Variants in ADGRA2 observed in about 807,000 individuals in gnomAD.
ADGRA2 encodes the protein G-protein coupled receptor 124.
A neutral mutation model predicts 98.7 loss-of-function variants in ADGRA2; 61 were observed. The ratio of observed to expected loss-of-function variants is 0.62; its 90% CI spans 0.50 to 0.76. ADGRA2 has a LOEUF of 0.76. Among genes scored for constraint, ADGRA2 ranks in the 30% least tolerant of loss-of-function variants. The pLI, the probability that ADGRA2 is intolerant of heterozygous loss-of-function variation, is 0.00. For missense variants in ADGRA2, 1,712 were observed against 1,860.0 expected, an observed-to-expected ratio of 0.92 and a Z score of 1.46; for synonymous variants, 858 against 831.5, an observed-to-expected ratio of 1.03 and a Z score of -0.55.
intron 1 of ADGRA2, among the ~76,000 whole-genome samples, chr8:37,813,624 G>A (rs1804902952): frequency 6.6e-6 from 1 of 152,160 alleles, no homozygotes; most frequent in Admixed American, 6.5e-5. Context: ...GGACTGGACG[G>A]GTGGGAGGGA....
chr8:37,834,271 CA>C lies in ADGRA2; in HGVS notation c.1608+144del, dbSNP rs1290547413. 1.2e-6 allele frequency: 1 copy of C among 812,950 alleles called. No homozygotes were observed. Among genetic ancestry groups the C allele is most frequent in the Non-Finnish European group, 1.9e-6 (1 of 528,476 alleles). The allele number at this position is 812,950 out of a possible 1,614,324, so 50.4% of individuals were successfully genotyped here. On this transcript the variant is annotated intron_variant, in intron 11 of 18. Transcript: ENST00000412232. The surrounding 1 kb of genome is among the most constrained non-coding windows in gnomAD (Gnocchi z 4.2). ...GCCATGGGGTTCACTTCCAAGTTGT[CA>C]GGGGCAGTGCTAAGGAGAGGTGGCC...
At chr8:37,838,523 G>C (rs1805687238) in intron 14 of ADGRA2, among the ~76,000 whole-genome samples, 1 of 152,100 alleles carries the variant, frequency 6.6e-6, no homozygotes, top group Non-Finnish European at 1.5e-5. Context: ...AAAGTGCTGG[G>C]ATTATAGGCA....
rs1805843102 is a variant in ADGRA2, at chr8:37,842,608, G to C, written c.*253G>C. On this transcript the variant is annotated 3_prime_UTR_variant, in exon 19 of 19. Coordinates refer to ENST00000412232, the MANE Select transcript of ADGRA2 (RefSeq NM_032777.10). ...TGACTGTCGGTGCCCTCCCAGGAAC[G>C]GGGAAGGCCTCCGTCTGTGTGAAAG... 6.0e-6 allele frequency: 3 copies of C among 499,910 alleles called. No homozygotes were observed. The highest frequency in any genetic ancestry group is 5.6e-5 in the South Asian group (1 of 17,772). The allele number at this position is 499,910 out of a possible 1,614,324, so 31.0% of individuals were successfully genotyped here.
rs140753371 is a variant in ADGRA2, at chr8:37,822,994, C to T, written c.339-5894C>T. The stretch of plus-strand genomic sequence containing the variant: ...ACAACCTCCTCCTCCCGAGTTCAAG[C>T]GATTCTCCTGCCTCAGCCTCCTGAG... On this transcript the variant is annotated intron_variant, in intron 2 of 18. Transcript: ENST00000412232. 5.0e-3 allele frequency among the ~76,000 whole-genome samples: 754 copies of T among 151,240 alleles called. 11 individuals are homozygous for T. The highest frequency in any genetic ancestry group is 0.017 in the African/African-American group (709 of 41,128).
intron 1 of ADGRA2, among the ~76,000 whole-genome samples, chr8:37,799,145 G>A (rs998048075): frequency 1.3e-5 from 2 of 152,210 alleles, no homozygotes; most frequent in Non-Finnish European, 2.9e-5. Context: ...GAGAGGCAGA[G>A]GCGGGTGGAT....
At position 37,797,777 on chromosome 8, in the gene ADGRA2, C is replaced by T. The variant is rs187812643; in HGVS notation, c.266+243C>T. Reference sequence around the variant, plus strand: ...GCACCCCAGAGAAAGGCACCGCAGGCGCCCACTCACCTGCACAGGTGAAGT... The same window carrying T: ...GCACCCCAGAGAAAGGCACCGCAGGTGCCCACTCACCTGCACAGGTGAAGT... On this transcript the variant is annotated intron_variant, in intron 1 of 18. Transcript: ENST00000412232. This position sits in a 1 kb window ranked among gnomAD's most constrained non-coding sequence, Gnocchi z 5.3. 5.9e-5 allele frequency among the ~76,000 whole-genome samples: 9 copies of T among 152,320 alleles called. No homozygotes were observed. In the East Asian group the frequency reaches 1.2e-3, roughly 20 times the overall value.
intron 2 of ADGRA2, among the ~76,000 whole-genome samples, chr8:37,826,591 G>A (rs1283240320): frequency 6.6e-6 from 1 of 152,176 alleles, no homozygotes; most frequent in Non-Finnish European, 1.5e-5. Flanking sequence ...CCTTCCTATG[G>A]GAAGGAGCTG....
chr8:37,811,127 A>C lies in ADGRA2; in HGVS notation c.267-3769A>C, dbSNP rs1299625145. 3.1e-3 allele frequency among the ~76,000 whole-genome samples: 451 copies of C among 147,652 alleles called. 4 individuals are homozygous for C. Among genetic ancestry groups the C allele is most frequent in the African/African-American group, 0.01 (421 of 40,218 alleles). ...AGACTCTGTCTCAAAAACAAAAAAA[A>C]AAAAAAAAAAAAAGAACTTTTATAC... On this transcript the variant is annotated intron_variant, in intron 1 of 18. Transcript: ENST00000412232.
chr8:37,828,815 T>C (rs1805363638), intron 2 of ADGRA2, 73 bp from the exon 3 acceptor site: 1 of 1,205,726 alleles, frequency 8.3e-7, no homozygotes, highest in East Asian at 2.4e-5. Context: ...GTGGTGACAG[T>C]GAGGACCCCT....
intron 9 of ADGRA2, 38 bp downstream of exon 9, chr8:37,833,246 G>A (rs377744558): frequency 1.9e-5 from 28 of 1,497,828 alleles, no homozygotes; most frequent in African/African-American, 1.4e-4. Flanking sequence ...GCTCTGCTTC[G>A]GGGGCACAGG....
At position 37,838,250 on chromosome 8, in the gene ADGRA2, ATT is replaced by A. The variant is rs11335728; in HGVS notation, c.2259+331_2259+332del. 8.3e-3 allele frequency among the ~76,000 whole-genome samples: 1,071 copies of A among 129,706 alleles called. 10 individuals are homozygous for A. Among genetic ancestry groups the A allele is most frequent in the African/African-American group, 0.021 (698 of 33,918 alleles). The allele number at this position is 129,706 out of a possible 152,430, so 85.1% of individuals were successfully genotyped here. A position where few individuals can be genotyped will look rare whatever the true frequency, so the allele number is the denominator to read the frequency against. On this transcript the variant is annotated intron_variant, in intron 14 of 18. Transcript: ENST00000412232. ...CACATCCTGCACTTTCTGAGACCAG[ATT>A]TTTTTTTTTTTTTTTTTTTAGACGG... is the stretch of plus-strand genomic sequence containing the variant.
chr8:37,841,595 CT>C lies in ADGRA2; in HGVS notation c.3258del (p.Ala1087ProfsTer216). On this transcript the variant is annotated frameshift_variant, in exon 19 of 19. Transcript: ENST00000412232. LOFTEE classifies it low-confidence loss of function (END_TRUNC). This position sits in a 1 kb window ranked among gnomAD's most constrained non-coding sequence, Gnocchi z 5.0. ...GCCTCGTGGCGCGCCTGCTGCCCCC[CT>C]GCCTCTCCCGCGGCCCCCCATGCCC... The part of the protein sequence containing the change: ...VRASWRACCP[P>X]ASPAAPHAPP... 1.9e-6 allele frequency: 3 copies of C among 1,579,074 alleles called. No individual in the cohort carries two copies. The highest frequency in any genetic ancestry group is 2.3e-5 in the East Asian group (1 of 43,650).
chr8:37,840,375 C>G, intron 17 of ADGRA2, 109 bp downstream of exon 17: 2 of 1,222,394 alleles, frequency 1.6e-6, no homozygotes, highest in Non-Finnish European at 2.4e-6. Context: ...GGAGATCACT[C>G]TCCAAAGACG....
At chr8:37,819,176 G>T (rs994600705) in intron 2 of ADGRA2, among the ~76,000 whole-genome samples, 1 of 152,100 alleles carries the variant, frequency 6.6e-6, no homozygotes, top group African/African-American at 2.4e-5. Context: ...ATGTGTGTGG[G>T]ACACCCACAG....
At chr8:37,800,419 G>A (rs559879069) in intron 1 of ADGRA2, among the ~76,000 whole-genome samples, 50 of 152,270 alleles carry the variant, frequency 3.3e-4, no homozygotes, top group African/African-American at 8.7e-4. Context: ...GTCTGGGTGC[G>A]GTGACAACTC....
In ADGRA2 at chr8:37,833,035, A is replaced by T. The variant is rs1301480872; in HGVS notation, c.1123A>T (p.Thr375Ser). 1 of 1,613,078 alleles carries T rather than the reference A, an allele frequency of 6.2e-7. No homozygotes were observed. Among genetic ancestry groups the T allele is most frequent in the South Asian group, 1.1e-5 (1 of 91,030 alleles). ...FRWPRTLAGI[T>S]AYQSCLQYPF... is the part of the protein sequence containing the mutation. ...GTGGCCCCGAACTCTGGCTGGCATC[A>T]CAGCCTACCAGTCCTGCCTGCAGTA... Residue 375 changes from threonine to serine, a missense_variant, in exon 9 of 19, where the codon ACA (threonine) becomes TCA (serine). Coordinates refer to ENST00000412232, the MANE Select transcript of ADGRA2 (RefSeq NM_032777.10).
rs950628366 is a variant in ADGRA2 at position 37,844,841 on chromosome 8, G to A, written c.*2486G>A. The A allele has an allele frequency of 6.2e-7, 1 of 1,614,060 alleles. No homozygotes were observed. On this transcript the variant is annotated 3_prime_UTR_variant, in exon 19 of 19. Transcript: ENST00000412232. ...AGGCAGAGCGGACCAGTGACTGGCG[G>A]TGCTGGAGAAGGTCACCGATGTGCT...
In ADGRA2 at chr8:37,834,724, T is replaced by G. The variant is rs929963858; in HGVS notation, c.1609-450T>G. Among the ~76,000 whole-genome samples, 3 of 152,148 alleles carry G rather than the reference T, an allele frequency of 2.0e-5. No individual in the cohort carries two copies. The highest frequency in any genetic ancestry group is 6.5e-5 in the Admixed American group (1 of 15,288). ...GCCTGGGCAACAGAGAGACCTGGTCTCCACAAAAAATACAAAAATTACCCA... is the reference window on the plus strand; with the variant it reads ...GCCTGGGCAACAGAGAGACCTGGTCGCCACAAAAAATACAAAAATTACCCA... On this transcript the variant is annotated intron_variant, in intron 11 of 18. Coordinates refer to ENST00000412232, the MANE Select transcript of ADGRA2 (RefSeq NM_032777.10). The surrounding 1 kb of genome is among the most constrained non-coding windows in gnomAD (Gnocchi z 4.2).
Position 37,830,642 on chromosome 8 carries a change from T to C in ADGRA2, c.719-68T>C. 1 of 423,548 alleles carries C rather than the reference T, an allele frequency of 2.4e-6. No homozygotes were observed. Among genetic ancestry groups the C allele is most frequent in the Non-Finnish European group, 4.6e-6 (1 of 217,138 alleles). 26.2% of individuals were successfully genotyped at this position (423,548 alleles called of 1,614,324 possible). ...CCCGCCCCACCCCATCCTGCTGGAC[T>C]CTCGCTCACACGTGCAGCCTCACAT... On this transcript the variant is annotated intron_variant, in intron 6 of 18. Transcript: ENST00000412232. The surrounding 1 kb of genome is among the most constrained non-coding windows in gnomAD (Gnocchi z 4.8).
Sources: allele counts gnomAD v4.1 joint callset (sites outside exome capture counted in the v4.1 genomes callset), GRCh38; gene constraint gnomAD v4.1.1; non-coding constraint Gnocchi (gnomAD v3.1); transcripts MANE v1.5; gene names NCBI Gene and HGNC (gene_info 2026-07-23, HGNC 2026-07-21).